KDM4C: variants seen among roughly 807,000 people sequenced by gnomAD.
KDM4C encodes lysine-specific demethylase 4C.
In KDM4C, 81 loss-of-function variants were observed where a neutral mutation model predicts 129.3. That is an observed-to-expected ratio of 0.63 (90% confidence interval 0.52 to 0.75). The LOEUF is 0.75. Among genes scored for constraint, KDM4C ranks in the 30% least tolerant of loss-of-function variants. The probability of loss-of-function intolerance (pLI) is 0.00; values close to 1 mark genes in which losing one functional copy is unlikely to be tolerated. For missense variants in KDM4C, 1,457 were observed against 1,304.0 expected (o/e 1.12, Z -1.81); for synonymous variants, 573 against 456.1 (o/e 1.26, Z -3.26).
chr9:6,848,532 G>A (rs148925695), intron 4 of KDM4C, among the ~76,000 whole-genome samples: 1,739 of 152,100 alleles, frequency 0.011, 28 homozygotes, highest in African/African-American at 0.04. Flanking sequence ...AGGTGGGTGC[G>A]GTGGCCTACG....
At chr9:6,783,622 G>C (rs920881373) in intron 1 of KDM4C, among the ~76,000 whole-genome samples, 1 of 152,150 alleles carries the variant, frequency 6.6e-6, no homozygotes, top group Non-Finnish European at 1.5e-5. Context: ...TGAGGAATAG[G>C]GGCATGGAAA....
chr9:6,934,504 A>T (rs536089324), intron 8 of KDM4C, among the ~76,000 whole-genome samples: 20 of 139,148 alleles, frequency 1.4e-4, no homozygotes, highest in African/African-American at 4.5e-4. Context: ...GGATAATTTT[A>T]TCTAAAATTA....
intron 17 of KDM4C, among the ~76,000 whole-genome samples, chr9:7,099,725 G>C (rs555471809): frequency 3.3e-5 from 5 of 152,122 alleles, no homozygotes; most frequent in Non-Finnish European, 7.4e-5. Context: ...ATCCTGGGGC[G>C]GAAGAGAGCC....
chr9:6,792,601 C>G (rs1588296285), intron 1 of KDM4C, among the ~76,000 whole-genome samples: 1 of 152,042 alleles, frequency 6.6e-6, no homozygotes, highest in Non-Finnish European at 1.5e-5. Context: ...GTTGGCTAGT[C>G]TGGTCTCGAA....
chr9:7,015,536 A>G (rs1586924825), intron 14 of KDM4C, among the ~76,000 whole-genome samples: 1 of 152,120 alleles, frequency 6.6e-6, no homozygotes, highest in African/African-American at 2.4e-5. Flanking sequence ...TATTTATTAT[A>G]TTATTTTTGA....
At chr9:6,879,320 A>C (rs1366304055) in intron 5 of KDM4C, among the ~76,000 whole-genome samples, 1 of 152,200 alleles carries the variant, frequency 6.6e-6, no homozygotes, top group African/African-American at 2.4e-5. Flanking sequence ...ATTTCTTAGC[A>C]AGTCCATAGT....
Position 6,875,423 on chromosome 9 carries a change from A to T in KDM4C, c.630-4589A>T, listed in dbSNP as rs145346090. On this transcript the variant is annotated intron_variant, in intron 5 of 21. Coordinates refer to ENST00000381309, the MANE Select transcript of KDM4C (RefSeq NM_015061.6). ...GTCTTGAGCTGAGATTTGAAAGAGG[A>T]GTGGGTGTTTTGTTGTATCTTATTC... Among the ~76,000 whole-genome samples the T allele has an allele frequency of 1.1e-4, 16 of 152,208 alleles. No homozygotes were observed. The East Asian group carries it at 2.9e-3, about 28-fold the overall frequency.
At chr9:6,995,758 G>A (rs1334488918) in intron 12 of KDM4C, among the ~76,000 whole-genome samples, 4 of 151,872 alleles carry the variant, frequency 2.6e-5, no homozygotes, top group African/African-American at 7.3e-5. Flanking sequence ...TGCAAGCTCT[G>A]CCTGCTGGGT....
chr9:6,956,763 T>G (rs995029728), intron 8 of KDM4C, among the ~76,000 whole-genome samples: 2 of 152,264 alleles, frequency 1.3e-5, no homozygotes, highest in African/African-American at 4.8e-5. Flanking sequence ...AGATGTTGTC[T>G]GTGCAGCTTA....
intron 15 of KDM4C, among the ~76,000 whole-genome samples, chr9:7,041,464 T>A (rs142969749): frequency 1.8e-3 from 275 of 152,152 alleles, no homozygotes; most frequent in African/African-American, 6.3e-3. Context: ...ATTAAACTTT[T>A]ACTCTGCCAA....
intron 8 of KDM4C, among the ~76,000 whole-genome samples, chr9:6,962,244 G>C (rs1363451789): frequency 6.6e-6 from 1 of 152,202 alleles, no homozygotes; most frequent in Non-Finnish European, 1.5e-5. Flanking sequence ...ATACATTATA[G>C]CTTAAGCTCC....
intron 17 of KDM4C, among the ~76,000 whole-genome samples, chr9:7,095,128 G>A (rs995272898): frequency 2.0e-5 from 3 of 152,334 alleles, no homozygotes; most frequent in East Asian, 1.9e-4. Context: ...ACAGGATAGA[G>A]GTGCTTGAAA....
intron 17 of KDM4C, among the ~76,000 whole-genome samples, chr9:7,050,833 G>C (rs1425977485): frequency 6.6e-6 from 1 of 152,122 alleles, no homozygotes; most frequent in East Asian, 1.9e-4. Flanking sequence ...AAGGGCAGCA[G>C]GATTATTTCA....
rs371952938 is a variant in KDM4C at position 7,166,440 on chromosome 9, T to C, written c.2901+1083T>C. 5.8e-3 allele frequency among the ~76,000 whole-genome samples: 344 copies of C among 59,324 alleles called. 1 individual carries two copies. The highest frequency in any genetic ancestry group is 0.037 in the African/African-American group (335 of 9,106). 38.9% of individuals were successfully genotyped at this position (59,324 alleles called of 152,430 possible). A position where few individuals can be genotyped will look rare whatever the true frequency, so the allele number is the denominator to read the frequency against. ...ATAGGGGAGGATGTATACACATACA[T>C]TGTGTGTGTATGTGTGTATGTGTGT... On this transcript the variant is annotated intron_variant, in intron 20 of 21. Transcript: ENST00000381309.
chr9:7,090,571 G>A (rs1835677650), intron 17 of KDM4C, among the ~76,000 whole-genome samples: 1 of 152,196 alleles, frequency 6.6e-6, no homozygotes, highest in Admixed American at 6.5e-5. Context: ...GAAGGGTTAA[G>A]CTTCCTTTGC....
intron 1 of KDM4C, among the ~76,000 whole-genome samples, chr9:6,770,577 G>GTT (rs994614630): frequency 1.4e-5 from 2 of 141,012 alleles, no homozygotes; most frequent in African/African-American, 2.6e-5. Context: ...CCTCAAGTTT[G>GTT]TTTTTTTTTT....
At chr9:6,908,909 T>C (rs1435610059) in intron 8 of KDM4C, among the ~76,000 whole-genome samples, 1 of 152,204 alleles carries the variant, frequency 6.6e-6, no homozygotes, top group Non-Finnish European at 1.5e-5. Flanking sequence ...GAGTAGTGAC[T>C]GACACATGGC....
At chr9:6,998,193 G>A (rs1047951106) in intron 12 of KDM4C, among the ~76,000 whole-genome samples, 2 of 152,192 alleles carry the variant, frequency 1.3e-5, no homozygotes, top group African/African-American at 4.8e-5. Context: ...ATGCCTTGAG[G>A]ATTAGATTAA....
At chr9:6,938,522 A>C (rs1327356698) in intron 8 of KDM4C, among the ~76,000 whole-genome samples, 1 of 152,186 alleles carries the variant, frequency 6.6e-6, no homozygotes, top group Non-Finnish European at 1.5e-5. Flanking sequence ...AGATACTCTA[A>C]ATGGGAACAA....
Sources: allele counts gnomAD v4.1 joint callset (sites outside exome capture counted in the v4.1 genomes callset), GRCh38; gene constraint gnomAD v4.1.1; transcripts MANE v1.5; gene names NCBI Gene and HGNC (gene_info 2026-07-23, HGNC 2026-07-21).